IMPG1: variants seen among roughly 807,000 people sequenced by gnomAD.
IMPG1 encodes the protein interphotoreceptor matrix proteoglycan 1, also known as interphotoreceptor matrix proteoglycan of 150 kDa.
IMPG1 carries 85 observed loss-of-function variants against 92.0 expected under a neutral mutation model. The observed-to-expected ratio is 0.92, with a 90% confidence interval of 0.78 to 1.11. The LOEUF (loss-of-function observed/expected upper bound fraction) is 1.11. Ranked by LOEUF, IMPG1 falls within the 50% of genes least tolerant of loss-of-function variation. The pLI, the probability that IMPG1 is intolerant of heterozygous loss-of-function variation, is 0.00. For missense variants in IMPG1, 1,022 were observed against 956.0 expected (o/e 1.07, Z -0.91); for synonymous variants, 367 against 334.1 (o/e 1.10, Z -1.08).
intron 1 of IMPG1, among the ~76,000 whole-genome samples, chr6:76,070,090 A>G (rs1168574618): frequency 2.0e-5 from 3 of 152,194 alleles, no homozygotes; most frequent in African/African-American, 7.2e-5. Flanking sequence ...ATCATGCAAT[A>G]TACCTATGTA....
At chr6:75,976,909 T>TA (rs35200516) in intron 12 of IMPG1, among the ~76,000 whole-genome samples, 148 of 138,598 alleles carry the variant, frequency 1.1e-3, no homozygotes, top group Middle Eastern at 3.8e-3. Flanking sequence ...GATTCCGTCT[T>TA]AAAAAAAAAA....
chr6:76,022,097 A>T lies in IMPG1; in HGVS notation c.666+19T>A. The stretch of plus-strand genomic sequence containing the variant: ...AAACAGGCACATGAAGAGCTAGATC[A>T]ACTCTAGGAACTTCTTACTGTTGTA... On this transcript the variant is annotated intron_variant, in intron 6 of 16. Coordinates refer to ENST00000369950, the MANE Select transcript of IMPG1 (RefSeq NM_001563.4). 6.6e-6 allele frequency: 9 copies of T among 1,373,998 alleles called. No individual in the cohort carries two copies. The highest frequency in any genetic ancestry group is 1.4e-5 in the African/African-American group (1 of 69,886). The allele number at this position is 1,373,998 out of a possible 1,614,324, so 85.1% of individuals were successfully genotyped here.
chr6:76,054,568 A>G, intron 1 of IMPG1, among the ~76,000 whole-genome samples: 1 of 152,162 alleles, frequency 6.6e-6, no homozygotes, highest in East Asian at 1.9e-4. Context: ...GTTATAATAG[A>G]AGAACACTAA....
chr6:76,009,563 G>T (rs1234536717), intron 8 of IMPG1, among the ~76,000 whole-genome samples: 1 of 152,148 alleles, frequency 6.6e-6, no homozygotes, highest in African/African-American at 2.4e-5. Flanking sequence ...ATTATTTATT[G>T]TATTCAAGGG....
intron 12 of IMPG1, among the ~76,000 whole-genome samples, chr6:75,952,005 G>A (rs1001973458): frequency 6.6e-6 from 1 of 151,994 alleles, no homozygotes; most frequent in African/African-American, 2.4e-5. Flanking sequence ...ACATTATTAC[G>A]CTCTGACAAT....
intron 1 of IMPG1, among the ~76,000 whole-genome samples, chr6:76,056,359 T>G (rs1037392792): frequency 3.9e-5 from 6 of 152,180 alleles, no homozygotes; most frequent in African/African-American, 1.4e-4. Flanking sequence ...AAGTTGTTAC[T>G]TCTTTACAAG....
chr6:75,956,820 T>G (rs754445070), intron 12 of IMPG1, among the ~76,000 whole-genome samples: 12 of 152,200 alleles, frequency 7.9e-5, no homozygotes, highest in Non-Finnish European at 1.6e-4. Flanking sequence ...TTCAAAGAAC[T>G]TATTTATTTC....
Position 75,950,594 on chromosome 6 carries a change from A to G in IMPG1, c.1792T>C (p.Tyr598His), listed in dbSNP as rs1399322782. 1.9e-6 allele frequency: 3 copies of G among 1,612,932 alleles called. No individual in the cohort carries two copies. The highest frequency in any genetic ancestry group is 1.7e-6 in the Non-Finnish European group (2 of 1,179,420). ...NDLFNKSSLE[Y>H]RALEQQFTQL... The stretch of plus-strand genomic sequence containing the variant: ...GTGAATTGTTGCTCCAGAGCTCGGT[A>G]CTCCAGAGAGCTCTTGTTGAACAGG... Residue 598 changes from tyrosine (Y) to histidine (H), a missense_variant, in exon 13 of 17, where the codon TAC becomes CAC. By Grantham distance (83) the Tyr-to-His change is moderately conservative (BLOSUM62 2). Around this residue, in one of 3 missense-constraint regions of IMPG1, gnomAD observed 332 missense variants for 346.2 expected, o/e 0.96. Coordinates refer to ENST00000369950, the MANE Select transcript of IMPG1 (RefSeq NM_001563.4).
intron 12 of IMPG1, among the ~76,000 whole-genome samples, chr6:75,963,833 A>G (rs976835700): frequency 6.6e-6 from 1 of 152,318 alleles, no homozygotes; most frequent in East Asian, 1.9e-4. Flanking sequence ...TATTTGTTTC[A>G]ACCTGACTCC....
intron 14 of IMPG1, among the ~76,000 whole-genome samples, chr6:75,941,972 A>G (rs1404255133): frequency 6.6e-6 from 1 of 151,984 alleles, no homozygotes; most frequent in African/African-American, 2.4e-5. Context: ...GGCTGGGGGG[A>G]CACTGGACCT....
chr6:76,066,005 C>A (rs968288558), intron 1 of IMPG1, among the ~76,000 whole-genome samples: 2 of 152,094 alleles, frequency 1.3e-5, no homozygotes, highest in African/African-American at 4.8e-5. Flanking sequence ...GAAATAAAGT[C>A]TTTCCCAGAC....
chr6:75,985,910 C>A (rs918283960), intron 12 of IMPG1, among the ~76,000 whole-genome samples: 5 of 152,166 alleles, frequency 3.3e-5, no homozygotes, highest in Admixed American at 3.3e-4. Flanking sequence ...TATATGAAGT[C>A]TCACATTGCC....
At chr6:75,950,297 A>T (rs2149457293) in intron 13 of IMPG1, among the ~76,000 whole-genome samples, 1 of 152,320 alleles carries the variant, frequency 6.6e-6, no homozygotes, top group Non-Finnish European at 1.5e-5. Flanking sequence ...TAAGTTAGGG[A>T]GAATTATAAT....
At chr6:75,974,386 TC>T (rs1782488913) in intron 12 of IMPG1, among the ~76,000 whole-genome samples, 1 of 105,222 alleles carries the variant, frequency 9.5e-6, no homozygotes, top group Non-Finnish European at 1.9e-5. Flanking sequence ...TTTCTTTCTT[TC>T]TTTCTTTTCT....
chr6:75,990,126 A>C (rs1056847008), intron 12 of IMPG1, among the ~76,000 whole-genome samples: 1 of 152,242 alleles, frequency 6.6e-6, no homozygotes, highest in African/African-American at 2.4e-5. Context: ...CATTTGTTTC[A>C]TCCCTATCAA....
rs531318533 is a variant in IMPG1 at position 75,959,297 on chromosome 6, T to C, written c.1292-8203A>G. 3.3e-5 allele frequency among the ~76,000 whole-genome samples: 5 copies of C among 152,220 alleles called. No homozygotes were observed. In the South Asian group the frequency reaches 1.0e-3, roughly 32 times the overall value. On this transcript the variant is annotated intron_variant, in intron 12 of 16. Coordinates refer to ENST00000369950, the MANE Select transcript of IMPG1 (RefSeq NM_001563.4). ...AGCCAGAGCTCTCCTGTATGAGGTG[T>C]CTGTCGACCCCTGCTGGGAGGTGTC...
intron 16 of IMPG1, among the ~76,000 whole-genome samples, chr6:75,923,369 G>A (rs1277236629): frequency 6.6e-6 from 1 of 151,938 alleles, no homozygotes; most frequent in African/African-American, 2.4e-5. Context: ...TAAATTACCT[G>A]TATATTTTTA....
intron 12 of IMPG1, among the ~76,000 whole-genome samples, chr6:75,974,367 C>A (rs1398900885): frequency 1.1e-5 from 1 of 92,278 alleles, no homozygotes; most frequent in Admixed American, 1.3e-4. Context: ...TTCTTTCTTT[C>A]TTTCTTTCTT....
Position 75,922,280 on chromosome 6 carries a change from ATCT to A in IMPG1, c.2317-117_2317-115del, listed in dbSNP as rs1178688964. The A allele has an allele frequency of 1.1e-4, 66 of 585,356 alleles. No homozygotes were observed. In the East Asian group the frequency reaches 1.5e-3, roughly 14 times the overall value. 36.3% of individuals were successfully genotyped at this position (585,356 alleles called of 1,614,324 possible). A position where few individuals can be genotyped will look rare whatever the true frequency, so the allele number is the denominator to read the frequency against. On this transcript the variant is annotated intron_variant, in intron 16 of 16. Transcript: ENST00000369950. ...AGAGGATGTGCTTGCCATTTATGAC[ATCT>A]TCTTTGAAATGTTGAAGATGGCCTC...
Sources: allele counts gnomAD v4.1 joint callset (sites outside exome capture counted in the v4.1 genomes callset), GRCh38; gene constraint gnomAD v4.1.1; regional missense constraint gnomAD v4.1.1; transcripts MANE v1.5; gene names NCBI Gene and HGNC (gene_info 2026-07-23, HGNC 2026-07-21).